The following MOXD1 variants were observed in gnomAD, a reference collection of about 807,000 sequenced individuals.
MOXD1 encodes monooxygenase DBH like 1.
Under a neutral mutation model 66.6 loss-of-function variants are expected in MOXD1, and 62 were observed. The ratio of observed to expected loss-of-function variants is 0.93; its 90% CI spans 0.76 to 1.15. The LOEUF is 1.15. Among genes scored for constraint, MOXD1 ranks in the 50% most tolerant of loss-of-function variants. The pLI is 0.00. For missense variants in MOXD1, 847 were observed against 754.6 expected, an observed-to-expected ratio of 1.12 and a Z score of -1.44; for synonymous variants, 303 against 281.9, an observed-to-expected ratio of 1.07 and a Z score of -0.75.
chr6:132,318,930 T>G (rs1344045262), intron 9 of MOXD1, among the ~76,000 whole-genome samples: 1 of 152,036 alleles, frequency 6.6e-6, no homozygotes, highest in Admixed American at 6.6e-5. Context: ...CCTTTTCCAT[T>G]TATCTAAATG....
intron 10 of MOXD1, among the ~76,000 whole-genome samples, chr6:132,314,362 T>C (rs1774895274): frequency 6.6e-6 from 1 of 152,264 alleles, no homozygotes; most frequent in Non-Finnish European, 1.5e-5. Context: ...AATAGTTTCC[T>C]GATTGATATT....
At chr6:132,356,904 T>C (rs1302331594) in intron 4 of MOXD1, among the ~76,000 whole-genome samples, 1 of 152,072 alleles carries the variant, frequency 6.6e-6, no homozygotes, top group Non-Finnish European at 1.5e-5. Flanking sequence ...CTCAGGAAAG[T>C]AGAATTTGGA....
intron 4 of MOXD1, among the ~76,000 whole-genome samples, chr6:132,360,243 T>C (rs1775989657): frequency 6.6e-6 from 1 of 152,218 alleles, no homozygotes. Context: ...AAAGTGTTTA[T>C]GTCTGTTTAC....
chr6:132,310,796 T>C, intron 10 of MOXD1, among the ~76,000 whole-genome samples: 1 of 151,790 alleles, frequency 6.6e-6, no homozygotes, highest in East Asian at 1.9e-4. Context: ...AGTTGAACAA[T>C]GAGAACGCAC....
At chr6:132,358,806 A>T (rs915964152) in intron 4 of MOXD1, among the ~76,000 whole-genome samples, 3 of 152,352 alleles carry the variant, frequency 2.0e-5, no homozygotes, top group African/African-American at 7.2e-5. Context: ...AGAGAAACAA[A>T]CATACATCTT....
At chr6:132,332,966 G>A (rs1198116919) in intron 4 of MOXD1, among the ~76,000 whole-genome samples, 3 of 152,072 alleles carry the variant, frequency 2.0e-5, no homozygotes, top group Non-Finnish European at 4.4e-5. Context: ...AACTGTCCAC[G>A]GAAAAGACAA....
chr6:132,341,908 C>T (rs1775570224), intron 4 of MOXD1, among the ~76,000 whole-genome samples: 1 of 152,222 alleles, frequency 6.6e-6, no homozygotes, highest in Admixed American at 6.5e-5. Context: ...GGTTTGGAAT[C>T]CAAGGTCTGC....
At chr6:132,365,018 G>A (rs953786361) in intron 4 of MOXD1, among the ~76,000 whole-genome samples, 3 of 152,072 alleles carry the variant, frequency 2.0e-5, no homozygotes, top group Admixed American at 1.3e-4. Flanking sequence ...CTTTACATTT[G>A]CAGCCTTTCT....
chr6:132,339,649 T>A (rs1227682005), intron 4 of MOXD1, among the ~76,000 whole-genome samples: 14 of 152,350 alleles, frequency 9.2e-5, no homozygotes, highest in Admixed American at 9.1e-4. Context: ...CCCACTTATG[T>A]AATCCCATCC....
At chr6:132,381,445 AAG>A (rs1315318655) in intron 1 of MOXD1, among the ~76,000 whole-genome samples, 1 of 152,172 alleles carries the variant, frequency 6.6e-6, no homozygotes, top group African/African-American at 2.4e-5. Flanking sequence ...GAAGTAAAAG[AAG>A]AGAAAAAGGC....
At chr6:132,370,991 C>A (rs1327499276) in intron 4 of MOXD1, among the ~76,000 whole-genome samples, 1 of 152,072 alleles carries the variant, frequency 6.6e-6, no homozygotes, top group Non-Finnish European at 1.5e-5. Flanking sequence ...TCATTCAACT[C>A]AATTATTAGC....
At chr6:132,325,187 G>C (rs762439050) in intron 6 of MOXD1, 1 of 152,088 alleles carries the variant, frequency 6.6e-6, no homozygotes, top group Non-Finnish European at 1.5e-5. Flanking sequence ...GTTGACTCCA[G>C]CTTCTTCAGA....
chr6:132,369,227 G>A (rs957520310), intron 4 of MOXD1, among the ~76,000 whole-genome samples: 18 of 152,020 alleles, frequency 1.2e-4, no homozygotes, highest in Admixed American at 9.2e-4. Flanking sequence ...ATCCCTTGTT[G>A]AAGTCTTTGT....
intron 4 of MOXD1, among the ~76,000 whole-genome samples, chr6:132,355,188 T>A (rs1248968140): frequency 1.3e-5 from 2 of 152,126 alleles, no homozygotes; most frequent in African/African-American, 4.8e-5. Flanking sequence ...GGATTCAAAT[T>A]GTTACAAAGT....
chr6:132,351,451 T>G (rs1775801831), intron 4 of MOXD1, among the ~76,000 whole-genome samples: 1 of 152,200 alleles, frequency 6.6e-6, no homozygotes, highest in Non-Finnish European at 1.5e-5. Context: ...ATTTACTGAC[T>G]TGCCTATGCT....
At chr6:132,300,709 A>G (rs1377800703) in intron 10 of MOXD1, among the ~76,000 whole-genome samples, 1 of 152,198 alleles carries the variant, frequency 6.6e-6, no homozygotes, top group Admixed American at 6.5e-5. Flanking sequence ...GTGTAACCCC[A>G]TTTGTCAGTT....
chr6:132,323,316 T>C (rs1342715143), intron 7 of MOXD1, among the ~76,000 whole-genome samples: 2 of 152,186 alleles, frequency 1.3e-5, no homozygotes, highest in Non-Finnish European at 2.9e-5. Flanking sequence ...CATGGCAATT[T>C]GAATTATGAA....
intron 4 of MOXD1, among the ~76,000 whole-genome samples, chr6:132,356,726 G>A (rs904332662): frequency 6.6e-5 from 10 of 152,090 alleles, no homozygotes; most frequent in East Asian, 3.8e-4. Context: ...CAGTAATGAT[G>A]AGGGCATTAA....
At chr6:132,312,519 A>T (rs1327669371) in intron 10 of MOXD1, among the ~76,000 whole-genome samples, 4 of 152,124 alleles carry the variant, frequency 2.6e-5, no homozygotes, top group Non-Finnish European at 4.4e-5. Flanking sequence ...AAGTCTAAAC[A>T]TGTATTTTTA....
Sources: allele counts gnomAD v4.1 joint callset (sites outside exome capture counted in the v4.1 genomes callset), GRCh38; gene constraint gnomAD v4.1.1; transcripts MANE v1.5; gene names NCBI Gene and HGNC (gene_info 2026-07-23, HGNC 2026-07-21).